ZNF469: variants seen among roughly 807,000 people sequenced by gnomAD.
ZNF469 encodes zinc finger protein 469.
Under a neutral mutation model 1.0 loss-of-function variants are expected in ZNF469, and 1 was observed. The ratio of observed to expected loss-of-function variants is 1.00; its 90% confidence interval spans 0.35 to 4.73. The LOEUF is 4.73. ZNF469 is among the 30% of genes most tolerant of loss of function. ZNF469 has a pLI of 0.16. For missense variants in ZNF469, 6,100 were observed against 5,356.3 expected (o/e 1.14, Z -4.33); for synonymous variants, 2,703 against 2,363.4 (o/e 1.14, Z -4.17).
the ZNF469 span, among the ~76,000 whole-genome samples, chr16:88,257,835 G>GCA: frequency 6.6e-6 from 1 of 152,148 alleles, no homozygotes; most frequent in Non-Finnish European, 1.5e-5. Flanking sequence ...CTGAGCTGGG[G>GCA]CACAGCTTTG....
At chr16:88,320,161 G>C in the ZNF469 span, among the ~76,000 whole-genome samples, 2 of 152,234 alleles carry the variant, frequency 1.3e-5, no homozygotes, top group Non-Finnish European at 2.9e-5. Context: ...AAGTTAAACA[G>C]GCTGAGTGCC....
the ZNF469 span, among the ~76,000 whole-genome samples, chr16:88,316,649 C>A: frequency 7.0e-6 from 1 of 143,432 alleles, no homozygotes; most frequent in African/African-American, 2.6e-5. Context: ...GGGGTTCAAG[C>A]GATTCTCCTG....
the ZNF469 span, among the ~76,000 whole-genome samples, chr16:88,208,013 T>A: frequency 1.3e-5 from 2 of 152,234 alleles, no homozygotes; most frequent in African/African-American, 2.4e-5. Flanking sequence ...TGTCCTGTAC[T>A]TTGTTAAATT....
At chr16:88,148,733 G>T in the ZNF469 span, among the ~76,000 whole-genome samples, 4 of 152,192 alleles carry the variant, frequency 2.6e-5, no homozygotes, top group Admixed American at 1.3e-4. Flanking sequence ...CCTTGGTGGC[G>T]GTGAGGCTGT....
the ZNF469 span, among the ~76,000 whole-genome samples, chr16:88,130,366 A>G: frequency 6.6e-6 from 1 of 152,172 alleles, no homozygotes; most frequent in East Asian, 1.9e-4. Context: ...ACCACCACGC[A>G]GGCAGAATGG....
the ZNF469 span, among the ~76,000 whole-genome samples, chr16:88,296,957 G>A: frequency 6.6e-6 from 1 of 152,230 alleles, no homozygotes; most frequent in Admixed American, 6.5e-5. Context: ...GGCTGGATCA[G>A]AAGCCACACA....
At chr16:88,335,486 C>G in the ZNF469 span, among the ~76,000 whole-genome samples, 1 of 152,210 alleles carries the variant, frequency 6.6e-6, no homozygotes, top group Non-Finnish European at 1.5e-5. Flanking sequence ...GCCACTCTGG[C>G]ACGGGGTCTC....
At chr16:88,169,254 C>T in the ZNF469 span, among the ~76,000 whole-genome samples, 2 of 152,164 alleles carry the variant, frequency 1.3e-5, no homozygotes, top group Admixed American at 6.5e-5. This position sits in a 1 kb window ranked among gnomAD's most constrained non-coding sequence, Gnocchi z 6.1. Flanking sequence ...ATGTAATCTA[C>T]GTCAGTAAAA....
the ZNF469 span, among the ~76,000 whole-genome samples, chr16:88,196,579 C>T: frequency 6.6e-6 from 1 of 152,290 alleles, no homozygotes; most frequent in African/African-American, 2.4e-5. Context: ...GAGTGGTGTC[C>T]ACCCAGGAGT....
chr16:88,418,101 C>T (rs1424881954), intron 1 of ZNF469, among the ~76,000 whole-genome samples: 1 of 152,196 alleles, frequency 6.6e-6, no homozygotes, highest in African/African-American at 2.4e-5. Flanking sequence ...CTGGACTCTA[C>T]CCGGGCTCCT....
chr16:88,185,747 T>C, the ZNF469 span, among the ~76,000 whole-genome samples: 2 of 90,760 alleles, frequency 2.2e-5, no homozygotes, highest in Non-Finnish European at 4.2e-5. Context: ...TACACACTCG[T>C]GTGCCCAGAC....
chr16:88,346,887 T>G, the ZNF469 span, among the ~76,000 whole-genome samples: 1 of 152,182 alleles, frequency 6.6e-6, no homozygotes, highest in Non-Finnish European at 1.5e-5. Context: ...CAGACTTTCT[T>G]CAGAACCACA....
the ZNF469 span, among the ~76,000 whole-genome samples, chr16:88,149,356 C>T: frequency 1.3e-5 from 2 of 152,132 alleles, no homozygotes; most frequent in Non-Finnish European, 2.9e-5. Context: ...TTCATTTTCA[C>T]AGAAAAGACC....
Position 88,437,328 on chromosome 16 carries a change from G to C in ZNF469, c.9858G>C (p.Ala3286=). ...RSTPSNPDGA[A]TPDSASATAL... is the part of the protein sequence containing the mutation. ...CCCCCAGCAACCCAGACGGGGCCGC[G>C]ACCCCAGACAGCGCCTCTGCCACCG... Residue 3286 remains alanine (A), a synonymous_variant, in exon 3 of 3, where the codon GCG becomes GCC. Transcript: ENST00000565624. The C allele has an allele frequency of 6.5e-7, 1 of 1,546,312 alleles. No homozygotes were observed. Among genetic ancestry groups the C allele is most frequent in the South Asian group, 1.2e-5 (1 of 83,848 alleles).
chr16:88,128,700 AC>A, the ZNF469 span, among the ~76,000 whole-genome samples: 1 of 152,100 alleles, frequency 6.6e-6, no homozygotes, highest in Non-Finnish European at 1.5e-5. Context: ...GGTCACGTAA[AC>A]CCCTCTAGGC....
the ZNF469 span, among the ~76,000 whole-genome samples, chr16:88,238,101 G>C: frequency 0.021 from 3,194 of 152,272 alleles, 70 homozygotes; most frequent in African/African-American, 0.074. Context: ...TTCTGGAGAT[G>C]ATGAAATCCA....
At chr16:88,229,563 TGTCACGCTTGTGC>T in the ZNF469 span, among the ~76,000 whole-genome samples, 45 of 133,010 alleles carry the variant, frequency 3.4e-4, no homozygotes, top group East Asian at 1.4e-3. Flanking sequence ...CACGTGTGGA[TGTCACGCTTGTGC>T]GCTGATGTCA....
chr16:88,279,189 TG>T, the ZNF469 span, among the ~76,000 whole-genome samples: 36 of 139,032 alleles, frequency 2.6e-4, no homozygotes, highest in Middle Eastern at 4.0e-3. Flanking sequence ...CGGTTAGTGC[TG>T]CGCCACGCTG....
the ZNF469 span, among the ~76,000 whole-genome samples, chr16:88,376,866 G>A: frequency 6.6e-6 from 1 of 152,186 alleles, no homozygotes; most frequent in Non-Finnish European, 1.5e-5. Flanking sequence ...CAGGGCACAG[G>A]TGTGGTGTGT....
Sources: allele counts gnomAD v4.1 joint callset (sites outside exome capture counted in the v4.1 genomes callset), GRCh38; gene constraint gnomAD v4.1.1; non-coding constraint Gnocchi (gnomAD v3.1); transcripts MANE v1.5; gene names NCBI Gene and HGNC (gene_info 2026-07-23, HGNC 2026-07-21).